Variants in PPP1R16B observed in about 807,000 individuals in gnomAD.
PPP1R16B encodes protein phosphatase 1 regulatory subunit 16B.
In PPP1R16B, 14 loss-of-function variants were observed where a neutral mutation model predicts 61.7. The ratio of observed to expected loss-of-function variants is 0.23; its 90% CI spans 0.15 to 0.35. The LOEUF (loss-of-function observed/expected upper bound fraction) is 0.35. Among genes scored for constraint, PPP1R16B ranks in the 10% least tolerant of loss-of-function variants. The pLI, the probability that PPP1R16B is intolerant of heterozygous loss-of-function variation, is 1.00. For missense variants in PPP1R16B, 547 were observed against 752.5 expected, an observed-to-expected ratio of 0.73 and a Z score of 3.19; for synonymous variants, 266 against 305.3, an observed-to-expected ratio of 0.87 and a Z score of 1.34.
At chr20:38,871,618 G>A (rs1049335136) in intron 2 of PPP1R16B, among the ~76,000 whole-genome samples, 18 of 139,782 alleles carry the variant, frequency 1.3e-4, no homozygotes, top group Non-Finnish European at 2.5e-4. Flanking sequence ...AGGAAGGAGG[G>A]AGGGAAGGAA....
chr20:38,876,796 C>T (rs972604746), intron 2 of PPP1R16B, among the ~76,000 whole-genome samples: 5 of 152,068 alleles, frequency 3.3e-5, no homozygotes, highest in South Asian at 2.1e-4. Flanking sequence ...TATCATTCTG[C>T]GGAAGGTTTT....
chr20:38,866,943 T>C (rs2085094481), intron 2 of PPP1R16B, among the ~76,000 whole-genome samples: 1 of 152,214 alleles, frequency 6.6e-6, no homozygotes, highest in African/African-American at 2.4e-5. Flanking sequence ...CCCTAGCCCC[T>C]GGCAGCCGCT....
At chr20:38,890,726 G>A (rs1447255806) in intron 3 of PPP1R16B, among the ~76,000 whole-genome samples, 2 of 152,194 alleles carry the variant, frequency 1.3e-5, no homozygotes, top group African/African-American at 4.8e-5. Flanking sequence ...TGCTCAATAT[G>A]TGCATGTTGA....
intron 2 of PPP1R16B, among the ~76,000 whole-genome samples, chr20:38,867,359 G>A (rs1165626363): frequency 6.6e-6 from 1 of 152,166 alleles, no homozygotes; most frequent in Non-Finnish European, 1.5e-5. Flanking sequence ...TTCCTGTGTG[G>A]TCCAACTCAG....
Position 38,907,434 on chromosome 20 carries a change from G to T in PPP1R16B, c.899-372G>T, listed in dbSNP as rs1223337893. Among the ~76,000 whole-genome samples the T allele has an allele frequency of 6.6e-6, 1 of 152,150 alleles. No homozygotes were observed. The highest frequency in any genetic ancestry group is 1.5e-5 in the Non-Finnish European group (1 of 68,026). On this transcript the variant is annotated intron_variant, in intron 8 of 10. Coordinates refer to ENST00000299824, the MANE Select transcript of PPP1R16B (RefSeq NM_015568.4). The surrounding 1 kb of genome is among the most constrained non-coding windows in gnomAD (Gnocchi z 4.5). ...AGCAATAGGTAGATAGATGGATGAAGGGGTTAGGTAGAATAGATGGGAGTA... is the reference window on the plus strand; with the variant it reads ...AGCAATAGGTAGATAGATGGATGAATGGGTTAGGTAGAATAGATGGGAGTA...
At chr20:38,852,421 T>C (rs890704929) in intron 2 of PPP1R16B, among the ~76,000 whole-genome samples, 3 of 152,210 alleles carry the variant, frequency 2.0e-5, no homozygotes, top group African/African-American at 4.8e-5. Context: ...TTGGATAGTA[T>C]GAGACTGCTC....
In PPP1R16B at chr20:38,907,116, A is replaced by T; in HGVS notation, c.898+62A>T. 1 of 1,286,352 alleles carries T rather than the reference A, an allele frequency of 7.8e-7. No homozygotes were observed. The highest frequency in any genetic ancestry group is 1.7e-5 in the Admixed American group (1 of 59,354). The allele number at this position is 1,286,352 out of a possible 1,614,324, so 79.7% of individuals were successfully genotyped here. The stretch of plus-strand genomic sequence containing the variant: ...CAGTTATCAATGTTTTGATGGGTAG[A>T]GGGAGAAATAGATAAATATATGGTT... On this transcript the variant is annotated intron_variant, in intron 8 of 10. Transcript: ENST00000299824. The surrounding 1 kb of genome is among the most constrained non-coding windows in gnomAD (Gnocchi z 4.5).
At chr20:38,859,487 A>C (rs1217630104) in intron 2 of PPP1R16B, among the ~76,000 whole-genome samples, 2 of 152,184 alleles carry the variant, frequency 1.3e-5, no homozygotes, top group Non-Finnish European at 2.9e-5. Context: ...CAAGCCACAT[A>C]TGTAACTGTA....
At chr20:38,890,555 T>G (rs1428478250) in intron 3 of PPP1R16B, among the ~76,000 whole-genome samples, 2 of 152,262 alleles carry the variant, frequency 1.3e-5, no homozygotes, top group African/African-American at 2.4e-5. Context: ...CTTTGTCTTC[T>G]GAAGGCCCTC....
At chr20:38,885,481 G>T (rs2085238088) in intron 2 of PPP1R16B, among the ~76,000 whole-genome samples, 1 of 152,206 alleles carries the variant, frequency 6.6e-6, no homozygotes, top group South Asian at 2.1e-4. Flanking sequence ...CCCCAAATCA[G>T]CTGTCAGCAC....
At chr20:38,829,833 T>TG (rs1362686539) in intron 1 of PPP1R16B, among the ~76,000 whole-genome samples, 1 of 152,104 alleles carries the variant, frequency 6.6e-6, no homozygotes. Context: ...GCGGGTCTAT[T>TG]GGGGGAAACT....
At chr20:38,894,697 T>C (rs1203297042) in intron 3 of PPP1R16B, among the ~76,000 whole-genome samples, 1 of 152,182 alleles carries the variant, frequency 6.6e-6, no homozygotes, top group African/African-American at 2.4e-5. Context: ...CATCCCGCAG[T>C]CTGTAAAGTG....
intron 3 of PPP1R16B, among the ~76,000 whole-genome samples, chr20:38,891,384 G>A (rs1431409433): frequency 7.9e-5 from 12 of 152,316 alleles, no homozygotes; most frequent in East Asian, 1.9e-4. Context: ...AGCAGCACTC[G>A]ATACTGGATA....
intron 2 of PPP1R16B, among the ~76,000 whole-genome samples, chr20:38,856,108 G>C (rs1348471465): frequency 6.6e-6 from 1 of 151,448 alleles, no homozygotes; most frequent in African/African-American, 2.4e-5. Context: ...TGGCAAAGTA[G>C]GTGGGTAATC....
intron 4 of PPP1R16B, 70 bp downstream of exon 4, chr20:38,895,780 C>CTCCT: frequency 8.2e-7 from 1 of 1,226,042 alleles, no homozygotes; most frequent in Non-Finnish European, 1.1e-6. Flanking sequence ...CCTTCTTTCT[C>CTCCT]TCCTCCCTCC....
At chr20:38,895,484 C>T (rs550776658) in intron 3 of PPP1R16B, 81 bp from the exon 4 acceptor site, 44 of 1,468,620 alleles carry the variant, frequency 3.0e-5, no homozygotes, top group Admixed American at 2.2e-4. Context: ...TGGCCTCTTG[C>T]GGGGAACCTG....
chr20:38,875,899 T>C (rs1453704108), intron 2 of PPP1R16B, among the ~76,000 whole-genome samples: 1 of 151,860 alleles, frequency 6.6e-6, no homozygotes, highest in Non-Finnish European at 1.5e-5. Flanking sequence ...GGACTTATAT[T>C]TGTTTCTTCC....
intron 1 of PPP1R16B, among the ~76,000 whole-genome samples, chr20:38,822,226 C>G (rs1180265189): frequency 1.3e-5 from 2 of 151,614 alleles, no homozygotes; most frequent in African/African-American, 4.8e-5. Context: ...TGTTTATACT[C>G]AGAATTTGGG....
chr20:38,876,540 TA>T (rs11412139), intron 2 of PPP1R16B, among the ~76,000 whole-genome samples: 1 of 149,468 alleles, frequency 6.7e-6, no homozygotes, highest in Non-Finnish European at 1.5e-5. Flanking sequence ...TTTCAACCAT[TA>T]AAAAAAAAAT....
Sources: gnomAD v4.1 joint callset for allele counts (sites outside exome capture counted in the v4.1 genomes callset) on GRCh38, gnomAD v4.1.1 for gene constraint, Gnocchi (gnomAD v3.1) non-coding constraint, MANE v1.5 for transcripts, NCBI Gene and HGNC (gene_info 2026-07-23, HGNC 2026-07-21) for gene names.